The following B3GALT1 variants were observed in gnomAD, a reference collection of about 807,000 sequenced individuals.
B3GALT1 encodes the protein beta-1,3-galactosyltransferase 1.
Under a neutral mutation model 23.2 loss-of-function variants are expected in B3GALT1, and 10 were observed. The ratio of observed to expected loss-of-function variants is 0.43; its 90% CI spans 0.27 to 0.73. The LOEUF (loss-of-function observed/expected upper bound fraction) is 0.73, where lower values mean the gene tolerates loss of function less well. Among genes scored for constraint, B3GALT1 ranks in the 30% least tolerant of loss-of-function variants. The pLI is 0.21. For missense variants in B3GALT1, 299 were observed against 405.4 expected (o/e 0.74, Z 2.25); for synonymous variants, 156 against 141.5 (o/e 1.10, Z -0.73).
At chr2:167,832,405 C>T (rs1689370810) in intron 4 of B3GALT1, among the ~76,000 whole-genome samples, 1 of 152,154 alleles carries the variant, frequency 6.6e-6, no homozygotes, top group African/African-American at 2.4e-5. Flanking sequence ...GTGTACAAAC[C>T]TCCCACTGTC....
intron 2 of B3GALT1, among the ~76,000 whole-genome samples, chr2:167,513,503 TAAG>T (rs1321774303): frequency 6.6e-6 from 1 of 152,194 alleles, no homozygotes; most frequent in Non-Finnish European, 1.5e-5. Context: ...TAGAAGACAT[TAAG>T]AAATTATGGT....
rs188411722 is a variant in B3GALT1, at chr2:167,600,206, G to A, written c.-409-46703G>A. ...ACAAAATCCAGCAAAAATCTGAGCC[G>A]TAACCACAATGGTAGCATCCCACAA... On this transcript the variant is annotated intron_variant, in intron 2 of 4. Transcript: ENST00000392690. 7.2e-5 allele frequency among the ~76,000 whole-genome samples: 11 copies of A among 152,174 alleles called. No individual in the cohort carries two copies. In the South Asian group the frequency reaches 1.2e-3, roughly 17 times the overall value.
At chr2:167,753,031 G>A (rs1404173191) in intron 3 of B3GALT1, among the ~76,000 whole-genome samples, 3 of 152,158 alleles carry the variant, frequency 2.0e-5, no homozygotes, top group Admixed American at 6.5e-5. Flanking sequence ...GTGATTCTGG[G>A]AAATAACCAT....
chr2:167,415,593 A>T (rs147513296), intron 1 of B3GALT1, among the ~76,000 whole-genome samples: 11 of 152,334 alleles, frequency 7.2e-5, no homozygotes, highest in Non-Finnish European at 1.3e-4. Context: ...GGAGCAGGCT[A>T]GAAAACACTT....
intron 3 of B3GALT1, among the ~76,000 whole-genome samples, chr2:167,697,696 G>A (rs1290690420): frequency 2.6e-5 from 4 of 152,200 alleles, no homozygotes; most frequent in African/African-American, 9.6e-5. Context: ...TCCAATGGAA[G>A]TAGGTACTGA....
intron 3 of B3GALT1, among the ~76,000 whole-genome samples, chr2:167,794,389 T>C (rs1280224657): frequency 6.6e-6 from 1 of 152,238 alleles, no homozygotes; most frequent in Non-Finnish European, 1.5e-5. Context: ...AGAATAAAAT[T>C]CTTTCTGTTG....
At chr2:167,735,233 T>C (rs1176700331) in intron 3 of B3GALT1, among the ~76,000 whole-genome samples, 1 of 152,220 alleles carries the variant, frequency 6.6e-6, no homozygotes, top group East Asian at 1.9e-4. Flanking sequence ...TGAAAAATGA[T>C]AGTGCAAAGA....
intron 3 of B3GALT1, among the ~76,000 whole-genome samples, chr2:167,785,325 A>T (rs2121324): frequency 0.17 from 25,745 of 152,078 alleles, 2,560 homozygotes; most frequent in Non-Finnish European, 0.22. Context: ...AGACCCAAAG[A>T]CTGGAATAGA....
At chr2:167,393,693 C>A (rs1417681646) in intron 1 of B3GALT1, among the ~76,000 whole-genome samples, 1 of 152,136 alleles carries the variant, frequency 6.6e-6, no homozygotes, top group African/African-American at 2.4e-5. Flanking sequence ...AATTTCATCT[C>A]AATTCAATCT....
intron 2 of B3GALT1, among the ~76,000 whole-genome samples, chr2:167,540,019 A>T (rs763898706): frequency 8.5e-5 from 13 of 152,184 alleles, no homozygotes; most frequent in Non-Finnish European, 1.6e-4. Context: ...AGAATCTATT[A>T]AAATGAATCA....
At chr2:167,699,964 C>T (rs981835227) in intron 3 of B3GALT1, among the ~76,000 whole-genome samples, 1 of 152,292 alleles carries the variant, frequency 6.6e-6, no homozygotes, top group Non-Finnish European at 1.5e-5. Context: ...TAACCCACCT[C>T]GGCCTTCCAA....
intron 2 of B3GALT1, among the ~76,000 whole-genome samples, chr2:167,524,233 C>A (rs1312644967): frequency 6.6e-6 from 1 of 152,022 alleles, no homozygotes; most frequent in African/African-American, 2.4e-5. Flanking sequence ...ATATATATTG[C>A]TTTTCTTCAA....
At chr2:167,432,752 A>G (rs1335890981) in intron 1 of B3GALT1, among the ~76,000 whole-genome samples, 1 of 152,198 alleles carries the variant, frequency 6.6e-6, no homozygotes, top group Non-Finnish European at 1.5e-5. Context: ...GAAAAACATT[A>G]ATTTAAAGTA....
chr2:167,301,193 G>A (rs1340182392), intron 1 of B3GALT1, among the ~76,000 whole-genome samples: 1 of 152,174 alleles, frequency 6.6e-6, no homozygotes, highest in Admixed American at 6.5e-5. Flanking sequence ...CTTCATTGAT[G>A]TTTACAGAAT....
At chr2:167,524,597 C>T (rs1683190320) in intron 2 of B3GALT1, among the ~76,000 whole-genome samples, 1 of 152,140 alleles carries the variant, frequency 6.6e-6, no homozygotes, top group African/African-American at 2.4e-5. Flanking sequence ...GTGTTGAACT[C>T]TTCAGGTTTT....
intron 3 of B3GALT1, among the ~76,000 whole-genome samples, chr2:167,747,312 G>T (rs567432646): frequency 6.6e-6 from 1 of 152,132 alleles, no homozygotes; most frequent in Non-Finnish European, 1.5e-5. Flanking sequence ...TTGGATTAGG[G>T]CATTGCCCCT....
At chr2:167,600,236 T>G (rs1310304905) in intron 2 of B3GALT1, among the ~76,000 whole-genome samples, 6 of 152,114 alleles carry the variant, frequency 3.9e-5, no homozygotes, top group African/African-American at 1.4e-4. Flanking sequence ...CCACAATCAG[T>G]CATCACCCCT....
intron 1 of B3GALT1, among the ~76,000 whole-genome samples, chr2:167,473,021 A>G (rs1699438997): frequency 6.6e-6 from 1 of 152,134 alleles, no homozygotes; most frequent in South Asian, 2.1e-4. Flanking sequence ...TAATTATATA[A>G]TTAAGAAATC....
intron 3 of B3GALT1, among the ~76,000 whole-genome samples, chr2:167,797,598 G>A (rs932462101): frequency 1.3e-5 from 2 of 152,218 alleles, no homozygotes; most frequent in Non-Finnish European, 2.9e-5. Flanking sequence ...CCCACCAACA[G>A]TGTAAAAGTG....
Sources: allele counts gnomAD v4.1 joint callset (sites outside exome capture counted in the v4.1 genomes callset), GRCh38; gene constraint gnomAD v4.1.1; transcripts MANE v1.5; gene names NCBI Gene and HGNC (gene_info 2026-07-23, HGNC 2026-07-21).